The following FABP12 variants were observed in gnomAD, a reference collection of about 807,000 sequenced individuals.
FABP12 encodes fatty acid-binding protein 12.
Under a neutral mutation model 13.7 loss-of-function variants are expected in FABP12, and 19 were observed. That is an observed-to-expected ratio of 1.39 (90% CI 0.97 to 2.04). The LOEUF (loss-of-function observed/expected upper bound fraction) is 2.04. Ranked by LOEUF, FABP12 falls within the 30% of genes most tolerant of loss-of-function variation. The pLI, the probability that FABP12 is intolerant of heterozygous loss-of-function variation, is 0.00. For missense variants in FABP12, 182 were observed against 164.2 expected, an observed-to-expected ratio of 1.11 and a Z score of -0.59; for synonymous variants, 61 against 57.0, an observed-to-expected ratio of 1.07 and a Z score of -0.32.
intron 1 of FABP12, among the ~76,000 whole-genome samples, chr8:81,552,299 T>C (rs770852614): frequency 6.6e-6 from 1 of 152,096 alleles, no homozygotes; most frequent in African/African-American, 2.4e-5. Flanking sequence ...TTTAGGGCAG[T>C]TGGAAGAAGT....
intron 1 of FABP12, among the ~76,000 whole-genome samples, chr8:81,567,544 C>T (rs1809847241): frequency 6.6e-6 from 1 of 152,134 alleles, no homozygotes; most frequent in Non-Finnish European, 1.5e-5. Flanking sequence ...GTGCCAAGAA[C>T]ATACATTGGA....
At chr8:81,578,823 G>GTTTATTT (rs71268012) in intron 1 of FABP12, among the ~76,000 whole-genome samples, 3 of 105,662 alleles carry the variant, frequency 2.8e-5, no homozygotes, top group Non-Finnish European at 3.5e-5. Context: ...ATTTGTTCAA[G>GTTTATTT]TTTTTTTTTT....
intron 1 of FABP12, among the ~76,000 whole-genome samples, chr8:81,575,838 G>A (rs1227660229): frequency 6.6e-6 from 1 of 152,114 alleles, no homozygotes; most frequent in Non-Finnish European, 1.5e-5. Context: ...GAACCCTACT[G>A]TGAACTGCTC....
At chr8:81,534,865 A>T (rs1401721958), upstream of FABP12, among the ~76,000 whole-genome samples, 1 of 149,602 alleles carries the variant, frequency 6.7e-6, no homozygotes, top group Non-Finnish European at 1.5e-5. Context: ...AATCACTTGA[A>T]CCTGGGAGGT....
At chr8:81,576,527 A>G (rs182098175) in intron 1 of FABP12, among the ~76,000 whole-genome samples, 1 of 152,188 alleles carries the variant, frequency 6.6e-6, no homozygotes, top group East Asian at 1.9e-4. Flanking sequence ...ACAAACACAC[A>G]CACACACATT....
intron 1 of FABP12, among the ~76,000 whole-genome samples, chr8:81,555,465 A>T (rs1809596542): frequency 6.6e-6 from 1 of 152,222 alleles, no homozygotes. Context: ...ATTTTTAAAA[A>T]ATTTACAATA....
chr8:81,533,824 AG>A (rs1809152027), exon 1 of FABP12, among the ~76,000 whole-genome samples: 1 of 152,112 alleles, frequency 6.6e-6, no homozygotes, highest in Admixed American at 6.5e-5. Flanking sequence ...GGTCTTGTTT[AG>A]GCTTGACCCC....
At chr8:81,548,099 AGTCCTGGTTGAGAATAC>A (rs1319242158) in intron 1 of FABP12, among the ~76,000 whole-genome samples, 1 of 152,182 alleles carries the variant, frequency 6.6e-6, no homozygotes, top group East Asian at 1.9e-4. Flanking sequence ...TGTGATTCTC[AGTCCTGGTTGAGAATAC>A]ACTGGAATCA....
upstream of FABP12, among the ~76,000 whole-genome samples, chr8:81,537,341 T>G (rs1809247171): frequency 6.6e-6 from 1 of 152,184 alleles, no homozygotes; most frequent in Non-Finnish European, 1.5e-5. Context: ...TAAACTGGAA[T>G]GGTTAATGAG....
chr8:81,551,386 C>T (rs1413405470), intron 1 of FABP12, among the ~76,000 whole-genome samples: 6 of 152,152 alleles, frequency 3.9e-5, no homozygotes. Context: ...TTGCACTCTA[C>T]CAGTGTTTTG....
intron 1 of FABP12, among the ~76,000 whole-genome samples, chr8:81,567,678 A>C (rs73277233): frequency 0.016 from 2,393 of 152,354 alleles, 55 homozygotes; most frequent in African/African-American, 0.054. Context: ...AAAGATTTAA[A>C]TCTAAGTCCA....
At chr8:81,527,620 C>T (rs1207241643) in intron 3 of FABP12, among the ~76,000 whole-genome samples, 2 of 152,158 alleles carry the variant, frequency 1.3e-5, no homozygotes, top group African/African-American at 4.8e-5. Context: ...CATTGGCCTC[C>T]CAAAGCACTG....
intron 1 of FABP12, among the ~76,000 whole-genome samples, chr8:81,541,165 CAAAAAAAA>C (rs35883271): frequency 1.1e-5 from 1 of 91,380 alleles, no homozygotes; most frequent in African/African-American, 4.0e-5. Flanking sequence ...GACTCTGTCT[CAAAAAAAA>C]AAAAAAAAAT....
chr8:81,525,529 A>AAATAGATAG (rs558390116), intron 4 of FABP12, among the ~76,000 whole-genome samples: 2 of 149,976 alleles, frequency 1.3e-5, no homozygotes, highest in African/African-American at 2.5e-5. Context: ...AAAAAAAAAA[A>AAATAGATAG]ATAGATAGAT....
intron 1 of FABP12, among the ~76,000 whole-genome samples, chr8:81,587,914 G>A (rs1261079842): frequency 2.6e-5 from 4 of 152,146 alleles, no homozygotes; most frequent in East Asian, 1.9e-4. Flanking sequence ...TAGGGAAGCC[G>A]ACAGTGCAGC....
rs752261434 is a variant in FABP12, at chr8:81,527,075, C to T, written c.293G>A (p.Trp98Ter). The T allele has an allele frequency of 1.6e-5, 25 of 1,612,318 alleles. No homozygotes were observed. The South Asian group carries it at 2.5e-4, about 16-fold the overall frequency. ...CGTTATGGTGGTTTCTTTGCCATCCCAGTCCTGAACTTGAATCAGGGACTC... is the reference window on the plus strand; with the variant it reads ...CGTTATGGTGGTTTCTTTGCCATCCTAGTCCTGAACTTGAATCAGGGACTC... Residue 98 changes from tryptophan (W) to a stop codon, truncating the protein, a stop_gained, in exon 4 of 5, where the codon TGG becomes TAG. Transcript: ENST00000360464. LOFTEE classifies it high-confidence loss of function.
At chr8:81,535,552 A>C (rs1223927367), upstream of FABP12, among the ~76,000 whole-genome samples, 3 of 152,226 alleles carry the variant, frequency 2.0e-5, no homozygotes. Context: ...ACTGAGACCT[A>C]GACTTTGGCC....
intron 1 of FABP12, among the ~76,000 whole-genome samples, chr8:81,568,578 C>CA (rs1209909618): frequency 6.6e-6 from 1 of 152,038 alleles, no homozygotes; most frequent in Non-Finnish European, 1.5e-5. Context: ...GGAGATTCCT[C>CA]AAAAAAACTA....
In FABP12 at chr8:81,527,088, G is replaced by A. The variant is rs574975609; in HGVS notation, c.280C>T (p.Gln94Ter). 6.2e-6 allele frequency: 10 copies of A among 1,610,532 alleles called. No individual in the cohort carries two copies. The highest frequency in any genetic ancestry group is 1.7e-5 in the Admixed American group (1 of 59,686). ...TCTTTGCCATCCCAGTCCTGAACTT[G>A]AATCAGGGACTCCTTATCTAAGGTT... Residue 94 changes from glutamine to a stop codon, truncating the protein, a stop_gained, in exon 4 of 5, where the codon CAA (glutamine) becomes TAA (stop). Coordinates refer to ENST00000360464, the Ensembl canonical transcript of FABP12. LOFTEE classifies it high-confidence loss of function.
Sources: allele counts gnomAD v4.1 joint callset (sites outside exome capture counted in the v4.1 genomes callset), GRCh38; gene constraint gnomAD v4.1.1; transcripts MANE v1.5; gene names NCBI Gene and HGNC (gene_info 2026-07-23, HGNC 2026-07-21).